Variants in KNTC1 observed in about 807,000 individuals in gnomAD.
KNTC1 encodes kinetochore associated 1.
A neutral mutation model predicts 314.4 loss-of-function variants in KNTC1; 253 were observed. That is an observed-to-expected ratio of 0.80 (90% CI 0.73 to 0.89). KNTC1 has a LOEUF of 0.89. KNTC1 is among the 40% of genes least tolerant of loss of function. The probability of loss-of-function intolerance (pLI) is 0.00; values close to 1 mark genes in which losing one functional copy is unlikely to be tolerated. For missense variants in KNTC1, 2,475 were observed against 2,572.9 expected (o/e 0.96, Z 0.82); for synonymous variants, 901 against 901.4 (o/e 1.00, Z 0.01).
intron 38 of KNTC1, 109 bp downstream of exon 38, chr12:122,586,866 G>A (rs1449225260): frequency 7.7e-6 from 2 of 260,040 alleles, no homozygotes; most frequent in African/African-American, 4.6e-5. Flanking sequence ...AGGCTGGAGT[G>A]AAATGGCATG....
intron 22 of KNTC1, among the ~76,000 whole-genome samples, chr12:122,570,465 G>A (rs1013334121): frequency 7.3e-5 from 11 of 150,764 alleles, no homozygotes; most frequent in Admixed American, 2.0e-4. Flanking sequence ...AACCGAGATC[G>A]TGCCATTGCA....
At chr12:122,569,492 C>T (rs548301393) in intron 21 of KNTC1, among the ~76,000 whole-genome samples, 189 bp from the exon 22 acceptor site, 32 of 152,276 alleles carry the variant, frequency 2.1e-4, no homozygotes, top group African/African-American at 5.5e-4. Flanking sequence ...TGGCACTCAG[C>T]GCCGTGACAT....
At chr12:122,537,311 G>A (rs994575394) in intron 3 of KNTC1, among the ~76,000 whole-genome samples, 2 of 152,064 alleles carry the variant, frequency 1.3e-5, no homozygotes, top group South Asian at 4.1e-4. Context: ...ACTGCAAAAT[G>A]CACCATTCTT....
chr12:122,537,072 T>C (rs1961896977), intron 3 of KNTC1, among the ~76,000 whole-genome samples: 1 of 152,188 alleles, frequency 6.6e-6, no homozygotes, highest in Non-Finnish European at 1.5e-5. Flanking sequence ...ATAACTTGAG[T>C]TCGTAAGCCA....
At chr12:122,591,574 T>C (rs147035998) in intron 42 of KNTC1, 121 bp downstream of exon 42, 50 of 637,814 alleles carry the variant, frequency 7.8e-5, no homozygotes, top group African/African-American at 7.0e-4. Context: ...CCTCATACAT[T>C]TTATTAACTA....
intron 18 of KNTC1, among the ~76,000 whole-genome samples, chr12:122,558,853 AGAGT>A (rs1225934089): frequency 1.3e-5 from 2 of 152,204 alleles, no homozygotes; most frequent in East Asian, 3.9e-4. Context: ...CCTGGGCAAC[AGAGT>A]GAGACTCTTA....
At position 122,539,670 on chromosome 12, in the gene KNTC1, A is replaced by G; in HGVS notation, c.367-6A>G. 6.5e-7 allele frequency: 1 copy of G among 1,533,988 alleles called. No individual in the cohort carries two copies. The highest frequency in any genetic ancestry group is 1.4e-5 in the African/African-American group (1 of 72,210). On this transcript the variant is annotated splice_polypyrimidine_tract_variant and splice_region_variant and intron_variant, in intron 4 of 63. Transcript: ENST00000333479. ...ATTTTATTATTTGAAATTAATTTGC[A>G]TTTAGGCATTTGTTCAGAAAGCTAA...
rs1593665647 is a variant in KNTC1 at position 122,604,651 on chromosome 12, A to G, written c.5175+14A>G. The G allele has an allele frequency of 1.3e-6, 2 of 1,550,240 alleles. No homozygotes were observed. The highest frequency in any genetic ancestry group is 1.4e-5 in the African/African-American group (1 of 73,654). On this transcript the variant is annotated intron_variant, in intron 49 of 63. Coordinates refer to ENST00000333479, the MANE Select transcript of KNTC1 (RefSeq NM_014708.6). ...ATCCCATCGCAGGTGTGTCTGAACT[A>G]TCAGATTGGCGGCTTCTCTTCTTCC...
intron 51 of KNTC1, among the ~76,000 whole-genome samples, chr12:122,606,957 G>A (rs1872645427): frequency 6.6e-6 from 1 of 152,136 alleles, no homozygotes; most frequent in South Asian, 2.1e-4. Context: ...GGTCCATTTT[G>A]CAGTTACACC....
intron 43 of KNTC1, among the ~76,000 whole-genome samples, chr12:122,596,741 T>C (rs1190637440): frequency 6.6e-6 from 1 of 151,654 alleles, no homozygotes; most frequent in African/African-American, 2.4e-5. Flanking sequence ...ACTTGAGAGG[T>C]TGAGGTGGGA....
chr12:122,580,260 T>A (rs1246689891), intron 32 of KNTC1, among the ~76,000 whole-genome samples: 1 of 152,230 alleles, frequency 6.6e-6, no homozygotes. Context: ...CTCATTTTTC[T>A]CATTTATCAG....
rs550306550 is a variant in KNTC1, at chr12:122,592,300, C to T, written c.4245+847C>T. 3.9e-5 allele frequency among the ~76,000 whole-genome samples: 6 copies of T among 152,366 alleles called. No homozygotes were observed. In the East Asian group the frequency reaches 5.8e-4, roughly 15 times the overall value. Reference sequence around the variant, plus strand: ...GGACTGCAGCCCGCCATGCCTGAGCCTTCCCCCGCCTCCGTGGGTTCCTGT... The same window carrying T: ...GGACTGCAGCCCGCCATGCCTGAGCTTTCCCCCGCCTCCGTGGGTTCCTGT... On this transcript the variant is annotated intron_variant, in intron 42 of 63. Coordinates refer to ENST00000333479, the MANE Select transcript of KNTC1 (RefSeq NM_014708.6).
chr12:122,572,994 C>G lies in KNTC1; in HGVS notation c.2077C>G (p.Arg693Gly). ...GCTAAGGACTTTGGTAAATAACTTG[C>G]GAGAGTTGATCACGTTGCATAGGAA... is the stretch of plus-strand genomic sequence containing the variant. ...CQLRTLVNNL[R>G]ELITLHRKYN... Residue 693 changes from arginine (R) to glycine (G), a missense_variant, in exon 25 of 64, where the codon CGA becomes GGA. Physicochemically the swap from Arg to Gly is moderately radical, Grantham distance 125. Transcript: ENST00000333479. 3.1e-6 allele frequency: 5 copies of G among 1,608,182 alleles called. No individual in the cohort carries two copies. Among genetic ancestry groups the G allele is most frequent in the Non-Finnish European group, 4.3e-6 (5 of 1,176,466 alleles).
chr12:122,551,420 TAA>T, intron 14 of KNTC1, 36 bp from the exon 15 acceptor site: 1 of 1,557,358 alleles, frequency 6.4e-7, no homozygotes, highest in Non-Finnish European at 8.8e-7. Context: ...GTATTAATAT[TAA>T]AAGACAAGCG....
At chr12:122,585,042 C>T (rs2138004823) in intron 36 of KNTC1, 52 bp downstream of exon 36, 1 of 1,039,558 alleles carries the variant, frequency 9.6e-7, no homozygotes, top group Non-Finnish European at 1.5e-6. Flanking sequence ...GCATTATGCA[C>T]CTTTTTTTTT....
At chr12:122,550,703 A>C (rs79061370) in intron 13 of KNTC1, among the ~76,000 whole-genome samples, 1 of 152,030 alleles carries the variant, frequency 6.6e-6, no homozygotes, top group Non-Finnish European at 1.5e-5. Flanking sequence ...TGGTCTCACT[A>C]TGTTTCCTGG....
chr12:122,562,265 G>GT (rs1964022682), intron 19 of KNTC1, among the ~76,000 whole-genome samples: 2 of 152,160 alleles, frequency 1.3e-5, no homozygotes, highest in African/African-American at 4.8e-5. Context: ...GTGTGTGCAT[G>GT]TGAGCATATA....
intron 35 of KNTC1, 137 bp from the exon 36 acceptor site, chr12:122,584,756 A>G (rs1463791779): frequency 1.7e-6 from 1 of 576,710 alleles, no homozygotes; most frequent in Non-Finnish European, 3.0e-6. Context: ...TTTTTAGGGT[A>G]GTCAAAGCTA....
intron 24 of KNTC1, 55 bp downstream of exon 24, chr12:122,571,181 T>C: frequency 1.5e-6 from 2 of 1,310,172 alleles, no homozygotes; most frequent in Non-Finnish European, 2.2e-6. Context: ...CCTGAAAGGG[T>C]TTGTCTGCAT....
Sources: gnomAD v4.1 joint callset for allele counts (sites outside exome capture counted in the v4.1 genomes callset) on GRCh38, gnomAD v4.1.1 for gene constraint, MANE v1.5 for transcripts, NCBI Gene and HGNC (gene_info 2026-07-23, HGNC 2026-07-21) for gene names.